C4orf17: variants seen among roughly 807,000 people sequenced by gnomAD.
C4orf17 encodes the protein uncharacterized protein C4orf17.
A neutral mutation model predicts 32.0 loss-of-function variants in C4orf17; 25 were observed. The observed-to-expected ratio is 0.78, with a 90% CI of 0.57 to 1.09. The LOEUF (loss-of-function observed/expected upper bound fraction) is 1.09. C4orf17 is among the 50% of genes least tolerant of loss of function. The pLI is 0.00. For missense variants in C4orf17, 420 were observed against 420.0 expected (o/e 1.00, Z 0.00); for synonymous variants, 149 against 145.8 (o/e 1.02, Z -0.16).
intron 2 of C4orf17, among the ~76,000 whole-genome samples, chr4:99,519,647 T>G (rs1472027898): frequency 6.6e-6 from 1 of 152,196 alleles, no homozygotes; most frequent in Admixed American, 6.5e-5. Context: ...ATCAGTAGTC[T>G]CACAGTTCTG....
intron 4 of C4orf17, among the ~76,000 whole-genome samples, chr4:99,525,627 T>G (rs976631545): frequency 4.6e-5 from 7 of 152,014 alleles, no homozygotes; most frequent in Admixed American, 4.6e-4. Context: ...ACCCCGTCTC[T>G]ACTAAAATAC....
rs144594729 is a variant in C4orf17 at position 99,526,111 on chromosome 4, A to G, written c.402+1526A>G. Among the ~76,000 whole-genome samples the G allele has an allele frequency of 5.2e-4, 79 of 152,320 alleles. 2 individuals are homozygous for G. The highest frequency in any genetic ancestry group is 6.8e-3 in the Middle Eastern group (2 of 294). On this transcript the variant is annotated intron_variant, in intron 4 of 8. Coordinates refer to ENST00000326581, the MANE Select transcript of C4orf17 (RefSeq NM_032149.3). ...GGAGGAAAGCGTTCAGACTTTCACCATTAAATATTATGTTCATATTAGTGG... is the reference window on the plus strand; with the variant it reads ...GGAGGAAAGCGTTCAGACTTTCACCGTTAAATATTATGTTCATATTAGTGG...
At chr4:99,512,531 G>A (rs906316244) in intron 1 of C4orf17, among the ~76,000 whole-genome samples, 2 of 151,936 alleles carry the variant, frequency 1.3e-5, no homozygotes, top group East Asian at 1.9e-4. Flanking sequence ...CATTCTCTCC[G>A]AAGATGATAT....
chr4:99,541,623 TTC>T (rs2110175518), intron 8 of C4orf17: 1 of 319,656 alleles, frequency 3.1e-6, no homozygotes, highest in East Asian at 9.2e-5. Context: ...TCTTCCTTCT[TTC>T]TCTCACTGTC....
intron 1 of C4orf17, among the ~76,000 whole-genome samples, chr4:99,512,341 G>GT (rs1181398837): frequency 1.3e-5 from 2 of 152,066 alleles, no homozygotes; most frequent in Admixed American, 1.3e-4. Context: ...TTTCTCACAT[G>GT]GTTGTGAATT....
intron 4 of C4orf17, among the ~76,000 whole-genome samples, chr4:99,525,790 C>T (rs1351798600): frequency 2.0e-5 from 3 of 147,540 alleles, no homozygotes; most frequent in Non-Finnish European, 4.5e-5. Flanking sequence ...AGCAAGATTC[C>T]GTTTCAAAAA....
chr4:99,512,905 A>C, intron 1 of C4orf17, 84 bp from the exon 2 acceptor site: 1 of 647,782 alleles, frequency 1.5e-6, no homozygotes, highest in Non-Finnish European at 2.6e-6. Flanking sequence ...AATTTAGTTC[A>C]AGCAAAGAAG....
rs745601318 is a variant in C4orf17, at chr4:99,540,491, TAAAG to T, written c.880+40_880+43del. Reference sequence around the variant, plus strand: ...GTTTTTGGTAACTATTGAGTTGGTATAAAGAAACCAGTAAGTACTAATGACTCAG... The same window carrying T: ...GTTTTTGGTAACTATTGAGTTGGTATAAACCAGTAAGTACTAATGACTCAG... On this transcript the variant is annotated intron_variant, in intron 8 of 8. Coordinates refer to ENST00000326581, the MANE Select transcript of C4orf17 (RefSeq NM_032149.3). The T allele has an allele frequency of 2.8e-6, 4 of 1,446,834 alleles. No homozygotes were observed. The African/African-American group carries it at 5.6e-5, about 20-fold the overall frequency. The allele number at this position is 1,446,834 out of a possible 1,614,324, so 89.6% of individuals were successfully genotyped here.
chr4:99,518,555 A>G (rs1264223745), intron 2 of C4orf17, among the ~76,000 whole-genome samples: 2 of 111,366 alleles, frequency 1.8e-5, no homozygotes, highest in Non-Finnish European at 3.4e-5. Flanking sequence ...AGAGAGAGAG[A>G]GAGAGAGAGA....
intron 4 of C4orf17, among the ~76,000 whole-genome samples, chr4:99,527,466 T>C (rs1297011928): frequency 2.0e-5 from 3 of 152,220 alleles, no homozygotes; most frequent in Non-Finnish European, 4.4e-5. Flanking sequence ...CAAACTTTTT[T>C]GGAAGACTAT....
At chr4:99,527,486 G>T (rs1481351158) in intron 4 of C4orf17, among the ~76,000 whole-genome samples, 1 of 152,146 alleles carries the variant, frequency 6.6e-6, no homozygotes, top group Non-Finnish European at 1.5e-5. Context: ...TTTTTCTACA[G>T]ACCTATGGTG....
intron 2 of C4orf17, among the ~76,000 whole-genome samples, chr4:99,516,010 T>C (rs1723174639): frequency 6.6e-6 from 1 of 152,190 alleles, no homozygotes; most frequent in Non-Finnish European, 1.5e-5. Flanking sequence ...TCCTGGTAAC[T>C]GATTAGTATA....
At chr4:99,536,558 T>C (rs1323052154) in intron 5 of C4orf17, among the ~76,000 whole-genome samples, 1 of 152,174 alleles carries the variant, frequency 6.6e-6, no homozygotes, top group African/African-American at 2.4e-5. Context: ...CCAGATGGCC[T>C]GCACTCCCTG....
intron 2 of C4orf17, 126 bp downstream of exon 2, chr4:99,513,334 C>A (rs1723127693): frequency 2.5e-6 from 3 of 1,182,228 alleles, no homozygotes; most frequent in South Asian, 1.4e-5. Flanking sequence ...TGGGAATTGA[C>A]TATTGGGACT....
rs758910207 is a variant in C4orf17, at chr4:99,529,918, A to G, written c.506A>G (p.Asn169Ser). Reference sequence around the variant, plus strand: ...AGTACCAAGAATGATGTGAAAGCAAACACCATTTGCATACCAAACTATCTG... The same window carrying G: ...AGTACCAAGAATGATGTGAAAGCAAGCACCATTTGCATACCAAACTATCTG... Reference protein sequence around the residue: ...MTSTKNDVKANTICIPNYLDQ... With the variant: ...MTSTKNDVKASTICIPNYLDQ... Residue 169 changes from asparagine (N) to serine (S), a missense_variant, in exon 5 of 9, where the codon AAC (asparagine) becomes AGC (serine). Asn to Ser is a conservative substitution (Grantham distance 46). Transcript: ENST00000326581. The G allele has an allele frequency of 1.2e-6, 2 of 1,613,096 alleles. No homozygotes were observed. The highest frequency in any genetic ancestry group is 1.1e-5 in the South Asian group (1 of 91,000).
At chr4:99,518,506 AAAAAAAAAAAAAATATAT>A (rs1560585445) in intron 2 of C4orf17, among the ~76,000 whole-genome samples, 2 of 70,144 alleles carry the variant, frequency 2.9e-5, no homozygotes, top group African/African-American at 1.7e-4. Flanking sequence ...AAAAAAAAAA[AAAAAAAAAAAAAATATAT>A]ATATATATAT....
chr4:99,514,948 T>C (rs1166224927), intron 2 of C4orf17, among the ~76,000 whole-genome samples: 1 of 152,196 alleles, frequency 6.6e-6, no homozygotes, highest in Admixed American at 6.5e-5. Flanking sequence ...TAATGTCTTT[T>C]GCAGCGACTT....
rs371808060 is a variant in C4orf17 at position 99,522,485 on chromosome 4, T to A, written c.128-15T>A. 6.3e-6 allele frequency: 10 copies of A among 1,599,696 alleles called. No homozygotes were observed. In the Admixed American group the frequency reaches 8.4e-5, roughly 13 times the overall value. On this transcript the variant is annotated splice_polypyrimidine_tract_variant and intron_variant, in intron 2 of 8. Coordinates refer to ENST00000326581, the MANE Select transcript of C4orf17 (RefSeq NM_032149.3). ...TTGCTTGATCTGTCTCTTTTTTTAA[T>A]CTTTACTCACCTAGGCTTGAATAAC... is the stretch of plus-strand genomic sequence containing the variant.
intron 5 of C4orf17, among the ~76,000 whole-genome samples, chr4:99,532,464 G>A (rs573049394): frequency 3.9e-5 from 6 of 152,160 alleles, no homozygotes; most frequent in South Asian, 2.1e-4. Context: ...ACCAAATACC[G>A]CATATTCTCA....
Sources: gnomAD v4.1 joint callset for allele counts (sites outside exome capture counted in the v4.1 genomes callset) on GRCh38, gnomAD v4.1.1 for gene constraint, MANE v1.5 for transcripts, NCBI Gene and HGNC (gene_info 2026-07-23, HGNC 2026-07-21) for gene names.